ZNF146: variants seen among roughly 807,000 people sequenced by gnomAD.
ZNF146 encodes the protein zinc finger protein 146.
A neutral mutation model predicts 22.2 loss-of-function variants in ZNF146; 9 were observed. The observed-to-expected ratio is 0.41, with a 90% CI of 0.24 to 0.71. ZNF146 has a LOEUF of 0.71. Ranked by LOEUF, ZNF146 falls within the 30% of genes least tolerant of loss-of-function variation. The pLI, the probability that ZNF146 is intolerant of heterozygous loss-of-function variation, is 0.34. For missense variants in ZNF146, 194 were observed against 344.8 expected (o/e 0.56, Z 3.46); for synonymous variants, 108 against 119.2 (o/e 0.91, Z 0.61).
intron 2 of ZNF146, among the ~76,000 whole-genome samples, chr19:36,224,630 C>T (rs565851950): frequency 6.6e-6 from 1 of 152,228 alleles, no homozygotes; most frequent in South Asian, 2.1e-4. Context: ...CCTGGCTATT[C>T]TTGCCTGTTT....
intron 2 of ZNF146, among the ~76,000 whole-genome samples, chr19:36,221,072 C>A (rs993586055): frequency 6.6e-6 from 1 of 151,748 alleles, no homozygotes; most frequent in African/African-American, 2.4e-5. Flanking sequence ...AGGCTGGTCT[C>A]GAACTCCTGA....
intron 2 of ZNF146, among the ~76,000 whole-genome samples, chr19:36,228,158 CAAAAAAAAA>C (rs71171422): frequency 1.9e-5 from 2 of 106,644 alleles, no homozygotes; most frequent in African/African-American, 8.1e-5. Flanking sequence ...GAAACTGTCT[CAAAAAAAAA>C]AAAAAAAAAA....
chr19:36,214,797 C>T (rs1458332982), upstream of ZNF146: 1 of 152,654 alleles, frequency 6.6e-6, no homozygotes, highest in Non-Finnish European at 1.5e-5. Context: ...CTCGTTTTGA[C>T]ATTTTTGCGC....
At chr19:36,217,102 G>T (rs1406986402) in intron 1 of ZNF146, among the ~76,000 whole-genome samples, 1 of 110,940 alleles carries the variant, frequency 9.0e-6, no homozygotes, top group Non-Finnish European at 1.7e-5. Flanking sequence ...TCTCTCTCTT[G>T]CCCAGTCTAG....
At chr19:36,231,025 A>G (rs1977336651) in intron 3 of ZNF146, among the ~76,000 whole-genome samples, 1 of 151,936 alleles carries the variant, frequency 6.6e-6, no homozygotes, top group Admixed American at 6.6e-5. Context: ...TTATATGTAT[A>G]TATATTTGCA....
intron 1 of ZNF146, among the ~76,000 whole-genome samples, chr19:36,217,066 T>C (rs1356360898): frequency 7.4e-6 from 1 of 134,626 alleles, no homozygotes; most frequent in East Asian, 2.2e-4. Context: ...TTTTTTTTTT[T>C]TTTTTTTTTT....
rs1351987433 is a variant in ZNF146, at chr19:36,237,432, C to T, written c.*113C>T. 7.4e-7 allele frequency: 1 copy of T among 1,353,454 alleles called. No individual in the cohort carries two copies. Among genetic ancestry groups the T allele is most frequent in the African/African-American group, 1.5e-5 (1 of 67,714 alleles). 83.8% of individuals were successfully genotyped at this position (1,353,454 alleles called of 1,614,324 possible). ...GCACCACGAATGAGGTTAACTTTAA[C>T]AAGTACTAAAAACTTAAGGGACACC... is the stretch of plus-strand genomic sequence containing the variant. On this transcript the variant is annotated 3_prime_UTR_variant, in exon 4 of 4. Coordinates refer to ENST00000443387, the MANE Select transcript of ZNF146 (RefSeq NM_007145.3).
At chr19:36,227,579 C>G (rs145471967) in intron 2 of ZNF146, among the ~76,000 whole-genome samples, 258 of 152,052 alleles carry the variant, frequency 1.7e-3, no homozygotes, top group Non-Finnish European at 2.8e-3. Flanking sequence ...ATGGATGAAC[C>G]TGTATTCCAG....
At chr19:36,228,274 T>A (rs35774841) in intron 2 of ZNF146, among the ~76,000 whole-genome samples, 96,032 of 151,674 alleles carry the variant, frequency 0.63, 30,585 homozygotes, top group Middle Eastern at 0.71. Flanking sequence ...AACAACTTCT[T>A]CACATTGTGC....
intron 3 of ZNF146, among the ~76,000 whole-genome samples, chr19:36,233,974 A>T (rs143433837): frequency 2.6e-5 from 4 of 152,070 alleles, no homozygotes; most frequent in Non-Finnish European, 4.4e-5. Flanking sequence ...ATTTCAGACT[A>T]TCACATGGGG....
At chr19:36,221,328 C>G (rs2145406906) in intron 2 of ZNF146, among the ~76,000 whole-genome samples, 1 of 138,012 alleles carries the variant, frequency 7.2e-6, no homozygotes, top group Middle Eastern at 4.3e-3. Context: ...TCACTCTGTC[C>G]CCTAGGCTGG....
chr19:36,224,915 G>C (rs527976488), intron 2 of ZNF146, among the ~76,000 whole-genome samples: 27 of 152,086 alleles, frequency 1.8e-4, no homozygotes, highest in Non-Finnish European at 4.0e-4. Flanking sequence ...GCTATGAATG[G>C]AGTCATTGTT....
In ZNF146 at chr19:36,236,455, C is replaced by T. The variant is rs144672702; in HGVS notation, c.15C>T (p.Ser5=). The change falls in exon 4 of 4, where the codon AGC becomes AGT. Residue 5 remains serine (S), a synonymous_variant. Transcript: ENST00000443387. ...CTTCCATTCAGATGTCACACCTCAG[C>T]CAGCAGAGAATTTACAGTGGGGAAA... MSHL[S]QQRIYSGENP... The T allele has an allele frequency of 3.1e-6, 5 of 1,603,760 alleles. No individual in the cohort carries two copies. The East Asian group carries it at 6.7e-5, about 22-fold the overall frequency.
chr19:36,222,259 A>AT (rs1234506867), intron 2 of ZNF146, among the ~76,000 whole-genome samples: 1 of 151,502 alleles, frequency 6.6e-6, no homozygotes, highest in Non-Finnish European at 1.5e-5. Flanking sequence ...TTTAAAAGAA[A>AT]TTTTTTTTTC....
chr19:36,214,723 G>A (rs1403310008), upstream of ZNF146: 1 of 152,696 alleles, frequency 6.5e-6, no homozygotes, highest in African/African-American at 2.4e-5. Flanking sequence ...TCTGGGAATT[G>A]TAGTCCAGAG....
At chr19:36,228,182 G>T (rs926491204) in intron 2 of ZNF146, among the ~76,000 whole-genome samples, 5 of 143,850 alleles carry the variant, frequency 3.5e-5, no homozygotes, top group Non-Finnish European at 7.6e-5. Context: ...AAAAAAGAAA[G>T]AATTTCACTC....
At chr19:36,231,084 A>T (rs1977340469) in intron 3 of ZNF146, among the ~76,000 whole-genome samples, 1 of 152,208 alleles carries the variant, frequency 6.6e-6, no homozygotes, top group African/African-American at 2.4e-5. Flanking sequence ...CAAGAAGGAT[A>T]TACGTGACAC....
chr19:36,225,139 C>G (rs575330229), intron 2 of ZNF146, among the ~76,000 whole-genome samples: 1 of 152,120 alleles, frequency 6.6e-6, no homozygotes, highest in Admixed American at 6.5e-5. Context: ...TGGTCAGATA[C>G]AGATTATGAT....
intron 2 of ZNF146, among the ~76,000 whole-genome samples, chr19:36,222,009 A>T (rs1163296203): frequency 1.4e-5 from 2 of 141,238 alleles, no homozygotes; most frequent in Non-Finnish European, 1.5e-5. Context: ...GGCATACTGC[A>T]GCCTCCAACT....
Sources: allele counts gnomAD v4.1 joint callset (sites outside exome capture counted in the v4.1 genomes callset), GRCh38; gene constraint gnomAD v4.1.1; transcripts MANE v1.5; gene names NCBI Gene and HGNC (gene_info 2026-07-23, HGNC 2026-07-21).